Variants in KCNH7 observed in about 807,000 individuals in gnomAD.
The protein encoded by KCNH7 is voltage-gated inwardly rectifying potassium channel KCNH7.
In KCNH7, 49 loss-of-function variants were observed where a neutral mutation model predicts 120.8. The observed-to-expected ratio is 0.41, with a 90% CI of 0.32 to 0.51. KCNH7 has a LOEUF of 0.51. Among genes scored for constraint, KCNH7 ranks in the 20% least tolerant of loss-of-function variants. The pLI, the probability that KCNH7 is intolerant of heterozygous loss-of-function variation, is 0.38. For synonymous variants in KCNH7, 547 were observed against 516.1 expected, an observed-to-expected ratio of 1.06 and a Z score of -0.81; for missense variants, 1,097 against 1,446.6, an observed-to-expected ratio of 0.76 and a Z score of 3.92.
At chr2:162,729,239 C>T (rs1035976230) in intron 2 of KCNH7, among the ~76,000 whole-genome samples, 1 of 148,066 alleles carries the variant, frequency 6.8e-6, no homozygotes, top group Non-Finnish European at 1.5e-5. Context: ...GATCTCAGCT[C>T]ACTGCAAGCT....
chr2:162,400,324 C>A lies in KCNH7; in HGVS notation c.2272G>T (p.Ala758Ser). The change falls in exon 10 of 16, where the codon GCA becomes TCA. Residue 758 changes from alanine to serine, a missense_variant. Ala to Ser is a moderately conservative substitution (Grantham distance 99). This residue lies in a region of KCNH7 where 101 missense variants were observed against 176.3 expected (regional missense o/e 0.57). Transcript: ENST00000332142. ...GASKGCLRAL[A>S]MKFKTTHAPP... ...GCATGGGTGGTTTTGAACTTCATTG[C>A]CAAAGCTCTAAGGCAACCTTTACTT... 6.2e-7 allele frequency: 1 copy of A among 1,612,496 alleles called. No individual in the cohort carries two copies. The highest frequency in any genetic ancestry group is 1.1e-5 in the South Asian group (1 of 91,050).
At chr2:162,474,540 C>T (rs1689666772) in intron 6 of KCNH7, among the ~76,000 whole-genome samples, 1 of 152,222 alleles carries the variant, frequency 6.6e-6, no homozygotes, top group Non-Finnish European at 1.5e-5. Context: ...ATCCCTTCCT[C>T]TTGAGTGTAG....
chr2:162,703,477 C>A (rs1482291739), intron 2 of KCNH7, among the ~76,000 whole-genome samples: 1 of 151,906 alleles, frequency 6.6e-6, no homozygotes, highest in Non-Finnish European at 1.5e-5. Context: ...ATAATAAAAC[C>A]AGCAGAAATA....
intron 7 of KCNH7, among the ~76,000 whole-genome samples, chr2:162,441,558 C>T (rs1445922788): frequency 6.6e-6 from 1 of 152,036 alleles, no homozygotes; most frequent in East Asian, 1.9e-4. Context: ...TTGCAAGAAT[C>T]CTAATTTTCT....
At chr2:162,571,644 T>A (rs1045797190) in intron 2 of KCNH7, among the ~76,000 whole-genome samples, 7 of 147,226 alleles carry the variant, frequency 4.8e-5, no homozygotes, top group East Asian at 2.0e-4. Context: ...GACTTCAAAC[T>A]ATACTACAAG....
chr2:162,535,067 A>G (rs1692062587), intron 3 of KCNH7, among the ~76,000 whole-genome samples: 1 of 151,800 alleles, frequency 6.6e-6, no homozygotes, highest in Non-Finnish European at 1.5e-5. Flanking sequence ...AAAAAATTTA[A>G]GTCAATGGAA....
chr2:162,773,165 A>G (rs140107798), intron 2 of KCNH7, among the ~76,000 whole-genome samples: 22 of 152,330 alleles, frequency 1.4e-4, no homozygotes, highest in African/African-American at 5.1e-4. Context: ...GTAACTGTCA[A>G]ATGATAGACA....
At chr2:162,794,385 T>C (rs1357817504) in intron 2 of KCNH7, among the ~76,000 whole-genome samples, 1 of 152,054 alleles carries the variant, frequency 6.6e-6, no homozygotes, top group Non-Finnish European at 1.5e-5. Flanking sequence ...TTGCCTATGA[T>C]CTATAGGTGT....
intron 3 of KCNH7, among the ~76,000 whole-genome samples, chr2:162,535,923 A>G (rs929207324): frequency 2.0e-5 from 3 of 151,838 alleles, no homozygotes; most frequent in African/African-American, 7.2e-5. Flanking sequence ...GAAAAGATAG[A>G]CTTTTTAATA....
chr2:162,542,306 T>A (rs1177733948), intron 2 of KCNH7, among the ~76,000 whole-genome samples: 3 of 151,536 alleles, frequency 2.0e-5, no homozygotes, highest in African/African-American at 7.3e-5. Context: ...ATGTGCAGGT[T>A]AGTTACATAT....
At chr2:162,684,040 T>A (rs1214058266) in intron 2 of KCNH7, among the ~76,000 whole-genome samples, 1 of 151,826 alleles carries the variant, frequency 6.6e-6, no homozygotes, top group African/African-American at 2.4e-5. Context: ...TCAGAAATAA[T>A]GCCACACATC....
intron 9 of KCNH7, among the ~76,000 whole-genome samples, chr2:162,418,381 A>C (rs952609432): frequency 2.6e-5 from 4 of 152,140 alleles, no homozygotes; most frequent in Non-Finnish European, 5.9e-5. Context: ...GTATTTATCA[A>C]CTTCAGTAGA....
chr2:162,692,836 C>A (rs1686162063), intron 2 of KCNH7, among the ~76,000 whole-genome samples: 1 of 151,950 alleles, frequency 6.6e-6, no homozygotes, highest in African/African-American at 2.4e-5. Flanking sequence ...TAAAAGTAAG[C>A]ATCATAAGGT....
intron 2 of KCNH7, among the ~76,000 whole-genome samples, chr2:162,765,800 G>T (rs554357434): frequency 6.6e-6 from 1 of 151,620 alleles, no homozygotes; most frequent in Admixed American, 6.6e-5. Context: ...TCTTTTACCC[G>T]GGCTGCTGCA....
intron 2 of KCNH7, among the ~76,000 whole-genome samples, chr2:162,622,509 A>T (rs1232604358): frequency 6.6e-6 from 1 of 152,188 alleles, no homozygotes; most frequent in African/African-American, 2.4e-5. Flanking sequence ...CAGAATAGTT[A>T]TAGTTAAGTA....
intron 8 of KCNH7, among the ~76,000 whole-genome samples, chr2:162,433,635 G>A (rs184441627): frequency 1.6e-3 from 245 of 152,070 alleles, no homozygotes; most frequent in African/African-American, 5.5e-3. Context: ...AAATCAAGAT[G>A]GATTTAAGAT....
chr2:162,640,408 G>A (rs903597575), intron 2 of KCNH7, among the ~76,000 whole-genome samples: 7 of 151,866 alleles, frequency 4.6e-5, no homozygotes, highest in Non-Finnish European at 8.8e-5. Context: ...AAATATGCCT[G>A]CCTATTTTTT....
chr2:162,543,290 A>C (rs902555665), intron 2 of KCNH7, among the ~76,000 whole-genome samples: 52 of 152,056 alleles, frequency 3.4e-4, no homozygotes, highest in Non-Finnish European at 5.4e-4. Flanking sequence ...ATACGCACAC[A>C]CACACACACA....
intron 6 of KCNH7, among the ~76,000 whole-genome samples, chr2:162,504,227 C>A (rs1475726073): frequency 6.6e-6 from 1 of 151,992 alleles, no homozygotes; most frequent in African/African-American, 2.4e-5. Flanking sequence ...GCCATGTTAG[C>A]CCATTTTTGC....
Sources: allele counts gnomAD v4.1 joint callset (sites outside exome capture counted in the v4.1 genomes callset), GRCh38; gene constraint gnomAD v4.1.1; regional missense constraint gnomAD v4.1.1; transcripts MANE v1.5; gene names NCBI Gene and HGNC (gene_info 2026-07-23, HGNC 2026-07-21).